Variants in RP1 observed in about 807,000 individuals in gnomAD.
RP1 encodes oxygen-regulated protein 1.
In RP1, 16 loss-of-function variants were observed where a neutral mutation model predicts 14.8. That is an observed-to-expected ratio of 1.08 (90% confidence interval 0.73 to 1.65). The LOEUF (loss-of-function observed/expected upper bound fraction) is 1.65, where lower values mean the gene tolerates loss of function less well. Among genes scored for constraint, RP1 ranks in the 40% most tolerant of loss-of-function variants. The pLI is 0.00. For synonymous variants in RP1, 876 were observed against 883.6 expected (o/e 0.99, Z 0.15); for missense variants, 2,631 against 2,535.0 (o/e 1.04, Z -0.81).
Position 54,697,030 on chromosome 8 carries a change from T to C in RP1, c.1718-2437T>C, listed in dbSNP as rs1047959437. On this transcript the variant is annotated intron_variant, in intron 12 of 22. Coordinates refer to the RP1 transcript ENST00000636932. Reference sequence around the variant, plus strand: ...CATGGTTCTTGCACCCTTTCCACCTTTCAGTGGCCCGTCACGCTACCAAAA... The same window carrying C: ...CATGGTTCTTGCACCCTTTCCACCTCTCAGTGGCCCGTCACGCTACCAAAA... 50 of 1,478,556 alleles carry C rather than the reference T, an allele frequency of 3.4e-5. No homozygotes were observed. In the African/African-American group the frequency reaches 6.8e-4, roughly 20 times the overall value. The allele number at this position is 1,478,556 out of a possible 1,614,324, so 91.6% of individuals were successfully genotyped here.
chr8:54,610,552 C>G (rs536635328), intron 1 of RP1, among the ~76,000 whole-genome samples: 1 of 152,246 alleles, frequency 6.6e-6, no homozygotes, highest in South Asian at 2.1e-4. Context: ...ATTTGGATGT[C>G]TAATATGCTT....
At chr8:54,841,866 C>T (rs1286636360) in intron 25 of RP1, among the ~76,000 whole-genome samples, 1 of 152,112 alleles carries the variant, frequency 6.6e-6, no homozygotes, top group Non-Finnish European at 1.5e-5. Context: ...AGGTTCGAGG[C>T]CACATCTATG....
exon 29 of RP1, chr8:54,870,345 A>G (rs150682066): frequency 2.6e-3 from 412 of 158,148 alleles, no homozygotes; most frequent in African/African-American, 9.3e-3. Flanking sequence ...CTGAAGAGGT[A>G]CCTAATAACA....
rs978579801 is a variant in RP1, at chr8:54,605,556, C to T, written c.-12-15399C>T. Among the ~76,000 whole-genome samples, 78 of 151,880 alleles carry T rather than the reference C, an allele frequency of 5.1e-4. No homozygotes were observed. The Middle Eastern group carries it at 0.01, about 20-fold the overall frequency. Reference sequence around the variant, plus strand: ...GAGTTCTGCAGATGTCTATTAGGTCCACTTGGTGCAGAGCTGAGTTCAGTT... The same window carrying T: ...GAGTTCTGCAGATGTCTATTAGGTCTACTTGGTGCAGAGCTGAGTTCAGTT... On this transcript the variant is annotated intron_variant, in intron 1 of 22. Transcript: ENST00000636932.
intron 23 of RP1, among the ~76,000 whole-genome samples, chr8:54,779,333 T>C (rs566029756): frequency 1.3e-5 from 2 of 152,334 alleles, no homozygotes; most frequent in African/African-American, 4.8e-5. Flanking sequence ...ATTTTTATTA[T>C]TGAATTGCAG....
chr8:54,857,087 T>C, exon 27 of RP1: 1 of 1,222,474 alleles, frequency 8.2e-7, no homozygotes, highest in Non-Finnish European at 1.0e-6. Context: ...TTCTGATTAG[T>C]CATGATGGAA....
At chr8:54,834,515 C>A (rs1346648983) in intron 24 of RP1, among the ~76,000 whole-genome samples, 1 of 151,718 alleles carries the variant, frequency 6.6e-6, no homozygotes, top group African/African-American at 2.4e-5. Context: ...GCCATAAAGC[C>A]CTTGTAGCCT....
At chr8:54,774,507 G>A (rs563305080), downstream of RP1, among the ~76,000 whole-genome samples, 19 of 152,360 alleles carry the variant, frequency 1.2e-4, no homozygotes, top group South Asian at 3.5e-3. Context: ...AGATGTTGCT[G>A]TGACTTACTG....
At chr8:54,571,082 A>G (rs1189309044) in intron 1 of RP1, among the ~76,000 whole-genome samples, 1 of 152,116 alleles carries the variant, frequency 6.6e-6, no homozygotes, top group Non-Finnish European at 1.5e-5. Context: ...CTGCCTGTCT[A>G]GACAGCCCCT....
chr8:54,635,727 C>G (rs185623409), downstream of RP1, among the ~76,000 whole-genome samples: 12 of 152,182 alleles, frequency 7.9e-5, no homozygotes, highest in African/African-American at 2.9e-4. Context: ...GACCCAAAAC[C>G]CAACACACCC....
intron 12 of RP1, among the ~76,000 whole-genome samples, chr8:54,688,936 A>C (rs188878126): frequency 6.6e-6 from 1 of 152,076 alleles, no homozygotes; most frequent in Non-Finnish European, 1.5e-5. Flanking sequence ...GATTCTTCCT[A>C]TCCATGAGCA....
At chr8:54,643,751 T>C (rs965544940) in intron 3 of RP1, among the ~76,000 whole-genome samples, 1 of 152,186 alleles carries the variant, frequency 6.6e-6, no homozygotes, top group Non-Finnish European at 1.5e-5. Context: ...GGTGGTTGCC[T>C]GAAGTCCTTG....
At chr8:54,694,038 A>C (rs557778547) in intron 12 of RP1, among the ~76,000 whole-genome samples, 1 of 152,246 alleles carries the variant, frequency 6.6e-6, no homozygotes. Flanking sequence ...AGGGTTGTTG[A>C]ATTTTGCCAA....
At chr8:54,696,896 C>T in intron 12 of RP1, 5 of 791,382 alleles carry the variant, frequency 6.3e-6, no homozygotes, top group Non-Finnish European at 1.1e-5. Context: ...GATCGTTCTT[C>T]TGACAGACAA....
chr8:54,631,012 A>G (rs539850079), downstream of RP1, among the ~76,000 whole-genome samples: 138 of 152,340 alleles, frequency 9.1e-4, no homozygotes, highest in Non-Finnish European at 1.4e-3. Context: ...CTTCCACTGC[A>G]TGACTATATG....
rs772035520 is a variant in RP1 at position 54,833,502 on chromosome 8, C to A, written c.3616-3948C>A. Among the ~76,000 whole-genome samples the A allele has an allele frequency of 3.0e-4, 45 of 151,898 alleles. 1 individual carries two copies. The highest frequency in any genetic ancestry group is 6.6e-5 in the Admixed American group (1 of 15,250). Reference sequence around the variant, plus strand: ...AACTACATGAAGAATTGATTACAATCCATTTATATTTTGCCAAGATGTATC... The same window carrying A: ...AACTACATGAAGAATTGATTACAATACATTTATATTTTGCCAAGATGTATC... On this transcript the variant is annotated intron_variant, in intron 24 of 28. Coordinates refer to the RP1 transcript ENST00000637698.
intron 28 of RP1, among the ~76,000 whole-genome samples, chr8:54,868,843 G>A (rs1235807420): frequency 1.3e-5 from 2 of 152,086 alleles, no homozygotes; most frequent in Non-Finnish European, 2.9e-5. Context: ...AAAGGTCTCC[G>A]AGAAGGAGGT....
chr8:54,607,692 C>T (rs1222485764), intron 1 of RP1, among the ~76,000 whole-genome samples: 2 of 152,134 alleles, frequency 1.3e-5, no homozygotes, highest in Non-Finnish European at 2.9e-5. Context: ...TGGGCTTCAC[C>T]CAGTTTGAGG....
chr8:54,831,144 T>C (rs1210278614), intron 24 of RP1, among the ~76,000 whole-genome samples: 2 of 152,060 alleles, frequency 1.3e-5, no homozygotes, highest in Admixed American at 6.6e-5. Flanking sequence ...TTTGGCTGCA[T>C]AGACTTTGTT....
Sources: gnomAD v4.1 joint callset for allele counts (sites outside exome capture counted in the v4.1 genomes callset) on GRCh38, gnomAD v4.1.1 for gene constraint, MANE v1.5 for transcripts, NCBI Gene and HGNC (gene_info 2026-07-23, HGNC 2026-07-21) for gene names.